The following ZNF385D variants were observed in gnomAD, a reference collection of about 807,000 sequenced individuals.
The protein encoded by ZNF385D is zinc finger protein 385D.
Under a neutral mutation model 35.8 loss-of-function variants are expected in ZNF385D, and 15 were observed. That is an observed-to-expected ratio of 0.42 (90% CI 0.28 to 0.64). The LOEUF (loss-of-function observed/expected upper bound fraction) is 0.64. Ranked by LOEUF, ZNF385D falls within the 30% of genes least tolerant of loss-of-function variation. The pLI is 0.23. For synonymous variants in ZNF385D, 212 were observed against 186.8 expected, an observed-to-expected ratio of 1.13 and a Z score of -1.10; for missense variants, 474 against 494.6, an observed-to-expected ratio of 0.96 and a Z score of 0.39.
chr3:21,937,395 C>T (rs1165794154), intron 3 of ZNF385D, among the ~76,000 whole-genome samples: 1 of 152,056 alleles, frequency 6.6e-6, no homozygotes, highest in East Asian at 1.9e-4. Flanking sequence ...CCCATTGTGC[C>T]ACTGTAATTG....
intron 2 of ZNF385D, among the ~76,000 whole-genome samples, chr3:22,277,595 G>A (rs1701492608): frequency 6.6e-6 from 1 of 152,046 alleles, no homozygotes; most frequent in Non-Finnish European, 1.5e-5. Context: ...CTCTAGAAAT[G>A]CAGTAGTAAA....
At chr3:21,861,273 C>T (rs1414008653) in intron 3 of ZNF385D, among the ~76,000 whole-genome samples, 1 of 152,200 alleles carries the variant, frequency 6.6e-6, no homozygotes. Context: ...TACAGTCTGC[C>T]ACTATAAACT....
At chr3:21,992,257 C>T (rs1341032447) in intron 3 of ZNF385D, among the ~76,000 whole-genome samples, 4 of 151,938 alleles carry the variant, frequency 2.6e-5, no homozygotes, top group Non-Finnish European at 5.9e-5. Flanking sequence ...AGAAAAGCCC[C>T]TAGAAGGTAT....
intron 2 of ZNF385D, among the ~76,000 whole-genome samples, chr3:22,350,423 T>C (rs1028636039): frequency 1.3e-5 from 2 of 152,146 alleles, no homozygotes; most frequent in African/African-American, 4.8e-5. Context: ...CATAATAAAA[T>C]ATTGACGATA....
intron 1 of ZNF385D, among the ~76,000 whole-genome samples, chr3:21,713,062 C>G (rs1321411941): frequency 6.6e-6 from 1 of 152,176 alleles, no homozygotes; most frequent in East Asian, 1.9e-4. Context: ...CTTGGCCATC[C>G]TTGGAGCCAC....
intron 3 of ZNF385D, among the ~76,000 whole-genome samples, chr3:21,908,058 G>T (rs1291662596): frequency 6.6e-6 from 1 of 151,962 alleles, no homozygotes; most frequent in Non-Finnish European, 1.5e-5. Flanking sequence ...AAACATTACT[G>T]ATAGTAACTA....
At chr3:21,932,284 C>A (rs1340146908) in intron 3 of ZNF385D, among the ~76,000 whole-genome samples, 3 of 146,744 alleles carry the variant, frequency 2.0e-5, no homozygotes, top group Non-Finnish European at 3.0e-5. Flanking sequence ...CAACAAATAT[C>A]ATATTTAGCT....
intron 2 of ZNF385D, among the ~76,000 whole-genome samples, chr3:21,629,097 T>A (rs1028585745): frequency 2.0e-4 from 30 of 151,926 alleles, no homozygotes; most frequent in East Asian, 5.8e-4. Context: ...GGCCTTTTTT[T>A]AAAAAAAATT....
intron 2 of ZNF385D, among the ~76,000 whole-genome samples, chr3:22,290,765 C>A (rs1026040618): frequency 2.0e-5 from 3 of 152,084 alleles, no homozygotes; most frequent in Non-Finnish European, 2.9e-5. Flanking sequence ...AGTAATTGAT[C>A]TGTGTGTAGA....
At chr3:22,280,937 G>C (rs1193866772) in intron 2 of ZNF385D, among the ~76,000 whole-genome samples, 2 of 152,042 alleles carry the variant, frequency 1.3e-5, no homozygotes, top group South Asian at 4.1e-4. Flanking sequence ...TCCTTGTAGA[G>C]GTCTTCACCT....
chr3:21,483,421 T>G (rs1704787197), intron 4 of ZNF385D, among the ~76,000 whole-genome samples: 1 of 152,196 alleles, frequency 6.6e-6, no homozygotes, highest in Non-Finnish European at 1.5e-5. Flanking sequence ...TATGTGAGGA[T>G]TAACAGAACT....
At position 22,284,483 on chromosome 3, in the gene ZNF385D, C is replaced by T. The variant is rs567623017; in HGVS notation, c.106+87967G>A. On this transcript the variant is annotated intron_variant, in intron 2 of 5. Transcript: ENST00000494108. Reference sequence around the variant, plus strand: ...GGGATTACAGGCATGAGCCACTGCACCTGTCCCCAACACAGGATTTTTTTT... The same window carrying T: ...GGGATTACAGGCATGAGCCACTGCATCTGTCCCCAACACAGGATTTTTTTT... Among the ~76,000 whole-genome samples, 37 of 152,116 alleles carry T rather than the reference C, an allele frequency of 2.4e-4. No individual in the cohort carries two copies. In the South Asian group the frequency reaches 7.1e-3, roughly 29 times the overall value.
chr3:22,219,166 G>T (rs1451267531), intron 2 of ZNF385D, among the ~76,000 whole-genome samples: 1 of 151,986 alleles, frequency 6.6e-6, no homozygotes, highest in Non-Finnish European at 1.5e-5. Context: ...AAATATCTTG[G>T]AACTGACTAT....
intron 1 of ZNF385D, among the ~76,000 whole-genome samples, chr3:21,692,506 T>C (rs1255739489): frequency 6.6e-6 from 1 of 152,210 alleles, no homozygotes; most frequent in Non-Finnish European, 1.5e-5. Flanking sequence ...TATTTGGCCA[T>C]TAAAACTCAC....
At chr3:21,803,223 T>C (rs1056831221) in intron 3 of ZNF385D, among the ~76,000 whole-genome samples, 1 of 151,728 alleles carries the variant, frequency 6.6e-6, no homozygotes, top group African/African-American at 2.4e-5. Flanking sequence ...CAGGTATAGG[T>C]GGCACCTTAG....
At chr3:21,767,702 G>A (rs1409275526) in intron 3 of ZNF385D, among the ~76,000 whole-genome samples, 2 of 151,912 alleles carry the variant, frequency 1.3e-5, no homozygotes, top group Non-Finnish European at 2.9e-5. Context: ...GGAAGAGAGG[G>A]TAGAGAGGAT....
intron 4 of ZNF385D, among the ~76,000 whole-genome samples, chr3:21,455,251 G>T (rs1317431321): frequency 6.6e-6 from 1 of 152,088 alleles, no homozygotes; most frequent in African/African-American, 2.4e-5. Context: ...AGTTCATATG[G>T]AACCAAAAAA....
At chr3:21,938,223 A>G (rs967020302) in intron 3 of ZNF385D, among the ~76,000 whole-genome samples, 17 of 152,322 alleles carry the variant, frequency 1.1e-4, no homozygotes, top group Admixed American at 5.2e-4. Flanking sequence ...TTGACCCTAT[A>G]GTTAACAGAA....
chr3:22,297,428 T>C (rs1702648754), intron 2 of ZNF385D, among the ~76,000 whole-genome samples: 1 of 152,096 alleles, frequency 6.6e-6, no homozygotes, highest in Non-Finnish European at 1.5e-5. Context: ...TCCTCATACC[T>C]GGAGCAAAGT....
Sources: gnomAD v4.1 joint callset for allele counts (sites outside exome capture counted in the v4.1 genomes callset) on GRCh38, gnomAD v4.1.1 for gene constraint, MANE v1.5 for transcripts, NCBI Gene and HGNC (gene_info 2026-07-23, HGNC 2026-07-21) for gene names.